The following OPCML variants were observed in gnomAD, a reference collection of about 807,000 sequenced individuals.
OPCML encodes opioid-binding protein/cell adhesion molecule.
A neutral mutation model predicts 37.8 loss-of-function variants in OPCML; 13 were observed. The observed-to-expected ratio is 0.34, with a 90% CI of 0.22 to 0.55. The LOEUF (loss-of-function observed/expected upper bound fraction) is 0.55. Ranked by LOEUF, OPCML falls within the 20% of genes least tolerant of loss-of-function variation. OPCML has a pLI of 0.91. For synonymous variants in OPCML, 176 were observed against 168.8 expected (o/e 1.04, Z -0.33); for missense variants, 341 against 435.6 (o/e 0.78, Z 1.93).
At chr11:132,940,809 A>G (rs904128118) in intron 2 of OPCML, among the ~76,000 whole-genome samples, 1 of 152,188 alleles carries the variant, frequency 6.6e-6, no homozygotes, top group African/African-American at 2.4e-5. Context: ...AAGACAAAAA[A>G]GAAAGAAAAT....
intron 2 of OPCML, among the ~76,000 whole-genome samples, chr11:132,856,072 T>C (rs763170275): frequency 1.3e-5 from 2 of 152,246 alleles, no homozygotes; most frequent in Non-Finnish European, 2.9e-5. Flanking sequence ...GACACTCGAA[T>C]GCCAATACAA....
chr11:132,623,131 G>A (rs10894589), intron 3 of OPCML, among the ~76,000 whole-genome samples: 13,878 of 152,142 alleles, frequency 0.091, 821 homozygotes, highest in South Asian at 0.23. Flanking sequence ...CACACATTCT[G>A]AATGGATGTC....
At chr11:133,261,494 C>G (rs1018022953) in intron 1 of OPCML, among the ~76,000 whole-genome samples, 2 of 152,216 alleles carry the variant, frequency 1.3e-5, no homozygotes, top group African/African-American at 2.4e-5. Flanking sequence ...GCGTCCGGCT[C>G]TCTTCACTGC....
chr11:132,594,365 A>G (rs1279577916), intron 3 of OPCML, among the ~76,000 whole-genome samples: 1 of 152,196 alleles, frequency 6.6e-6, no homozygotes, highest in Non-Finnish European at 1.5e-5. Context: ...GATGCTGTCA[A>G]TAAATCACTA....
At chr11:133,235,949 G>T (rs1216340138) in intron 1 of OPCML, among the ~76,000 whole-genome samples, 1 of 152,192 alleles carries the variant, frequency 6.6e-6, no homozygotes, top group Non-Finnish European at 1.5e-5. Flanking sequence ...ATCAGCAGGG[G>T]ATAGTTCCAA....
intron 1 of OPCML, among the ~76,000 whole-genome samples, chr11:132,972,877 T>C (rs1159672974): frequency 2.6e-5 from 4 of 152,104 alleles, no homozygotes; most frequent in Admixed American, 1.3e-4. Context: ...CAGAAGTTGA[T>C]TGCTGTTGGT....
intron 3 of OPCML, among the ~76,000 whole-genome samples, chr11:132,592,360 A>G (rs922773932): frequency 6.6e-6 from 1 of 152,082 alleles, no homozygotes; most frequent in Admixed American, 6.6e-5. Flanking sequence ...AAAATTAAAA[A>G]CCCAACCCAG....
chr11:132,966,295 G>T (rs1403082522), intron 1 of OPCML, among the ~76,000 whole-genome samples: 1 of 151,558 alleles, frequency 6.6e-6, no homozygotes, highest in Non-Finnish European at 1.5e-5. Context: ...TTTGATCATT[G>T]GTATTTGAGT....
At chr11:133,265,133 G>C (rs184910788) in intron 1 of OPCML, among the ~76,000 whole-genome samples, 1 of 152,320 alleles carries the variant, frequency 6.6e-6, no homozygotes, top group East Asian at 1.9e-4. Flanking sequence ...AGCTGCCAGA[G>C]AGGAGTGGAG....
chr11:132,896,384 G>C (rs1212790720), intron 2 of OPCML, among the ~76,000 whole-genome samples: 2 of 152,192 alleles, frequency 1.3e-5, no homozygotes, highest in Admixed American at 1.3e-4. Flanking sequence ...GGGAGCTGCT[G>C]TTATTCAGTT....
At chr11:133,005,000 C>T in intron 1 of OPCML, 1 of 985,400 alleles carries the variant, frequency 1.0e-6, no homozygotes, top group Non-Finnish European at 1.2e-6. Flanking sequence ...CACTCTTACT[C>T]CTCCCATCCC....
chr11:132,668,630 T>A (rs187177484), intron 2 of OPCML, among the ~76,000 whole-genome samples: 83 of 152,324 alleles, frequency 5.4e-4, no homozygotes, highest in African/African-American at 1.9e-3. Flanking sequence ...TAAGAGTGCA[T>A]GTGAGTTTAA....
chr11:132,508,714 T>C (rs1462829762), intron 4 of OPCML, among the ~76,000 whole-genome samples: 1 of 152,198 alleles, frequency 6.6e-6, no homozygotes, highest in Non-Finnish European at 1.5e-5. Flanking sequence ...TCATTTTCTC[T>C]TGTCACCACC....
intron 1 of OPCML, among the ~76,000 whole-genome samples, chr11:133,056,928 C>T (rs1948251222): frequency 6.6e-6 from 1 of 152,188 alleles, no homozygotes; most frequent in African/African-American, 2.4e-5. Context: ...ACCACAACCT[C>T]CGCCTTCCGG....
At chr11:133,346,523 A>T (rs973152734) in intron 1 of OPCML, among the ~76,000 whole-genome samples, 6 of 152,254 alleles carry the variant, frequency 3.9e-5, no homozygotes, top group Admixed American at 2.6e-4. Context: ...TGAATAGTTC[A>T]CTGAAAATAT....
chr11:132,749,698 C>A (rs1367976359), intron 2 of OPCML, among the ~76,000 whole-genome samples: 1 of 152,186 alleles, frequency 6.6e-6, no homozygotes, highest in African/African-American at 2.4e-5. Flanking sequence ...AGATTCAGAA[C>A]TGAGCTCTGA....
intron 2 of OPCML, among the ~76,000 whole-genome samples, chr11:132,796,140 A>G (rs532121491): frequency 4.8e-4 from 73 of 152,330 alleles, no homozygotes; most frequent in Non-Finnish European, 8.5e-4. Context: ...ATTTTATATC[A>G]AGAACTTGAG....
intron 3 of OPCML, among the ~76,000 whole-genome samples, chr11:132,626,508 TG>T (rs372883817): frequency 1.2e-3 from 181 of 152,224 alleles, no homozygotes; most frequent in African/African-American, 4.0e-3. Context: ...TAAAAATATA[TG>T]TATGTTATGA....
intron 1 of OPCML, among the ~76,000 whole-genome samples, chr11:133,109,924 T>G (rs1949224542): frequency 6.6e-6 from 1 of 152,212 alleles, no homozygotes; most frequent in Non-Finnish European, 1.5e-5. Context: ...GTACTTAATC[T>G]CAGGAAGCCT....
Sources: allele counts gnomAD v4.1 joint callset (sites outside exome capture counted in the v4.1 genomes callset), GRCh38; gene constraint gnomAD v4.1.1; transcripts MANE v1.5; gene names NCBI Gene and HGNC (gene_info 2026-07-23, HGNC 2026-07-21).